KIF17: variants seen among roughly 807,000 people sequenced by gnomAD.
The protein encoded by KIF17 is kinesin family member 17.
Under a neutral mutation model 96.8 loss-of-function variants are expected in KIF17, and 80 were observed. The observed-to-expected ratio is 0.83, with a 90% CI of 0.69 to 1.00. The LOEUF (loss-of-function observed/expected upper bound fraction) is 1.00, where lower values mean the gene tolerates loss of function less well. Ranked by LOEUF, KIF17 falls within the 50% of genes least tolerant of loss-of-function variation. KIF17 has a pLI of 0.00. For synonymous variants in KIF17, 567 were observed against 587.5 expected, an observed-to-expected ratio of 0.97 and a Z score of 0.51; for missense variants, 1,280 against 1,372.9, an observed-to-expected ratio of 0.93 and a Z score of 1.07.
At chr1:20,676,976 C>G (rs2053750132) in intron 11 of KIF17, among the ~76,000 whole-genome samples, 1 of 152,066 alleles carries the variant, frequency 6.6e-6, no homozygotes, top group Non-Finnish European at 1.5e-5. Flanking sequence ...TTTGGGAAGC[C>G]AAGGCAGGAG....
At chr1:20,691,412 G>A (rs1356932669) in intron 6 of KIF17, among the ~76,000 whole-genome samples, 1 of 151,858 alleles carries the variant, frequency 6.6e-6, no homozygotes, top group Non-Finnish European at 1.5e-5. Flanking sequence ...CTCCCAGAGT[G>A]TTGGGATTAC....
intron 11 of KIF17, among the ~76,000 whole-genome samples, chr1:20,673,653 C>A (rs1570435153): frequency 1.3e-5 from 2 of 151,638 alleles, no homozygotes; most frequent in East Asian, 3.9e-4. Flanking sequence ...GCCTCAACTC[C>A]CAAGAAGCTG....
chr1:20,713,376 C>T lies in KIF17; in HGVS notation c.480+78G>A. On this transcript the variant is annotated intron_variant, in intron 3 of 14. Coordinates refer to ENST00000400463, the MANE Select transcript of KIF17 (RefSeq NM_001122819.3). The stretch of plus-strand genomic sequence containing the variant: ...GTGCCGGCACCCTCAGGACACTTTC[C>T]CATATTTCTGAGGGAGCAGCACCAA... The T allele has an allele frequency of 4.7e-6, 5 of 1,061,348 alleles. No individual in the cohort carries two copies. In the East Asian group the frequency reaches 1.2e-4, roughly 26 times the overall value. 65.7% of individuals were successfully genotyped at this position (1,061,348 alleles called of 1,614,324 possible). A position where few individuals can be genotyped will look rare whatever the true frequency, so the allele number is the denominator to read the frequency against.
chr1:20,712,632 A>ATATATAATATAGATAATATTATC lies in KIF17; in HGVS notation c.480+821_480+822insGATAATATTATCTATATTATATA, dbSNP rs2054468588. ...TATATATATAATATAGATAATATCT[A>ATATATAATATAGATAATATTATC]TATATATAATATAGATAATATTATC... is the stretch of plus-strand genomic sequence containing the variant. On this transcript the variant is annotated intron_variant, in intron 3 of 14. Coordinates refer to ENST00000400463, the MANE Select transcript of KIF17 (RefSeq NM_001122819.3). Among the ~76,000 whole-genome samples, 28 of 26,852 alleles carry ATATATAATATAGATAATATTATC rather than the reference A, an allele frequency of 1.0e-3. 6 individuals are homozygous for ATATATAATATAGATAATATTATC. The highest frequency in any genetic ancestry group is 6.9e-3 in the East Asian group (9 of 1,298). The allele number at this position is 26,852 out of a possible 152,430, so 17.6% of individuals were successfully genotyped here.
Position 20,664,397 on chromosome 1 carries a change from G to T in KIF17, c.*187C>A. On this transcript the variant is annotated 3_prime_UTR_variant, in exon 15 of 15. Transcript: ENST00000400463. ...AGGAGGACTATACAGCCTCCGAGGG[G>T]CTCCTGCCCAGGGCGGAGGTGGGCT... 6.7e-7 allele frequency: 1 copy of T among 1,492,266 alleles called. No homozygotes were observed. The allele number at this position is 1,492,266 out of a possible 1,614,324, so 92.4% of individuals were successfully genotyped here.
intron 10 of KIF17, among the ~76,000 whole-genome samples, chr1:20,684,168 C>T (rs1348641690): frequency 1.3e-5 from 2 of 152,222 alleles, no homozygotes; most frequent in Admixed American, 6.5e-5. Context: ...GAGAACAGGA[C>T]CCTCTTGGCC....
At chr1:20,678,137 A>C (rs2053769950) in intron 11 of KIF17, among the ~76,000 whole-genome samples, 1 of 152,224 alleles carries the variant, frequency 6.6e-6, no homozygotes, top group African/African-American at 2.4e-5. Flanking sequence ...TGGAAGGTGA[A>C]AGGCACATCT....
intron 2 of KIF17, 87 bp downstream of exon 2, chr1:20,715,406 G>A: frequency 1.3e-6 from 2 of 1,565,318 alleles, no homozygotes; most frequent in Non-Finnish European, 1.7e-6. Context: ...GGGCTCCAAA[G>A]ACTTCCCGTG....
intron 6 of KIF17, 27 bp downstream of exon 6, chr1:20,698,351 TC>T (rs780729432): frequency 6.5e-7 from 1 of 1,547,120 alleles, no homozygotes; most frequent in Non-Finnish European, 8.9e-7. Flanking sequence ...CTGTCCCTTC[TC>T]CATGTTCCCA....
intron 13 of KIF17, among the ~76,000 whole-genome samples, chr1:20,669,931 A>ACATG (rs1467613265): frequency 1.3e-5 from 2 of 148,518 alleles, no homozygotes; most frequent in Non-Finnish European, 3.0e-5. Flanking sequence ...TGCTTTAAGA[A>ACATG]CATGCATTTC....
chr1:20,678,891 G>A (rs769020764), intron 11 of KIF17, among the ~76,000 whole-genome samples: 5 of 150,682 alleles, frequency 3.3e-5, no homozygotes, highest in Admixed American at 6.7e-5. Context: ...TGAAAGTCCT[G>A]CAGAAACAAG....
At chr1:20,713,403 G>T in intron 3 of KIF17, 51 bp downstream of exon 3, 1 of 1,366,378 alleles carries the variant, frequency 7.3e-7, no homozygotes, top group Non-Finnish European at 1.0e-6. Context: ...CAGCACCAAT[G>T]CCAACCTCCC....
At chr1:20,716,156 G>A (rs1255896468) in intron 1 of KIF17, among the ~76,000 whole-genome samples, 1 of 150,460 alleles carries the variant, frequency 6.6e-6, no homozygotes, top group Non-Finnish European at 1.5e-5. Flanking sequence ...GCTGAGGCAG[G>A]AGAATTTATT....
chr1:20,687,538 G>A lies in KIF17; in HGVS notation c.1788C>T (p.Leu596=). The change falls in exon 8 of 15, where the codon CTC becomes CTT. Residue 596 remains leucine (L), a synonymous_variant. Transcript: ENST00000400463. The surrounding 1 kb of genome is among the most constrained non-coding windows in gnomAD (Gnocchi z 4.4). ...AGHLLGEQNY[L]PQEEPQEVPL... ...GCACCTCCTGCGGCTCCTCTTGCGG[G>A]AGGTAGTTCTGTTCCCCCAGCAGGT... 6.2e-7 allele frequency: 1 copy of A among 1,613,368 alleles called. No individual in the cohort carries two copies. Among genetic ancestry groups the A allele is most frequent in the Non-Finnish European group, 8.5e-7 (1 of 1,179,486 alleles).
intron 7 of KIF17, 87 bp from the exon 8 acceptor site, chr1:20,688,031 GT>G (rs537155013): frequency 2.3e-5 from 25 of 1,076,272 alleles, no homozygotes; most frequent in Non-Finnish European, 3.1e-5. Flanking sequence ...CCAGTGTGTT[GT>G]TTTTTTTGTT....
chr1:20,669,564 T>TAAA (rs1553149018), intron 13 of KIF17, among the ~76,000 whole-genome samples: 3 of 124,470 alleles, frequency 2.4e-5, no homozygotes, highest in Non-Finnish European at 3.3e-5. Flanking sequence ...ATAATAATAA[T>TAAA]AAATAAAATA....
intron 11 of KIF17, among the ~76,000 whole-genome samples, chr1:20,674,517 G>A (rs1477232014): frequency 1.3e-5 from 2 of 151,344 alleles, no homozygotes; most frequent in African/African-American, 2.4e-5. Context: ...CTCCCACTTC[G>A]GCCTCCCAAA....
intron 6 of KIF17, among the ~76,000 whole-genome samples, chr1:20,696,952 T>C (rs2054152679): frequency 6.6e-6 from 1 of 152,170 alleles, no homozygotes; most frequent in South Asian, 2.1e-4. Context: ...AGAAAGGCAG[T>C]GCCCGCTGCC....
Position 20,715,492 on chromosome 1 carries a change from C to A in KIF17, c.378+1G>T. 6.2e-7 allele frequency: 1 copy of A among 1,612,332 alleles called. No individual in the cohort carries two copies. Among genetic ancestry groups the A allele is most frequent in the Non-Finnish European group, 8.5e-7 (1 of 1,180,008 alleles). ...GCCCCTTCCCTCTGCGAGGCCCGTA[C>A]CTGGACGCTCTCGAACACGTGCTCG... On this transcript the variant is annotated splice_donor_variant, in intron 2 of 14. Transcript: ENST00000400463. LOFTEE classifies it high-confidence loss of function.
Sources: allele counts gnomAD v4.1 joint callset (sites outside exome capture counted in the v4.1 genomes callset), GRCh38; gene constraint gnomAD v4.1.1; non-coding constraint Gnocchi (gnomAD v3.1); transcripts MANE v1.5; gene names NCBI Gene and HGNC (gene_info 2026-07-23, HGNC 2026-07-21).